The following RALA variants were observed in gnomAD, a reference collection of about 807,000 sequenced individuals.
The protein encoded by RALA is ras-related protein Ral-A.
Under a neutral mutation model 24.0 loss-of-function variants are expected in RALA, and 5 were observed. The ratio of observed to expected loss-of-function variants is 0.21; its 90% CI spans 0.11 to 0.44. RALA has a LOEUF of 0.44. RALA is among the 20% of genes least tolerant of loss of function. The pLI is 0.99. For synonymous variants in RALA, 77 were observed against 83.8 expected (o/e 0.92, Z 0.44); for missense variants, 95 against 241.2 (o/e 0.39, Z 4.01).
At chr7:39,701,962 T>C (rs746890044) in intron 4 of RALA, among the ~76,000 whole-genome samples, 23 of 152,210 alleles carry the variant, frequency 1.5e-4, no homozygotes, top group Non-Finnish European at 2.5e-4. Context: ...CCAAGGTTGC[T>C]CTTGATTTTA....
chr7:39,685,349 G>A (rs111397239), intron 1 of RALA, among the ~76,000 whole-genome samples: 4,379 of 152,298 alleles, frequency 0.029, 224 homozygotes, highest in African/African-American at 0.099. Context: ...GCTGAGCTAG[G>A]AAAGATTGGC....
intron 1 of RALA, among the ~76,000 whole-genome samples, chr7:39,684,100 A>G (rs1478674476): frequency 2.0e-5 from 3 of 152,186 alleles, no homozygotes; most frequent in African/African-American, 7.2e-5. Flanking sequence ...CCTGCAGTGT[A>G]CTGTAATTTT....
chr7:39,696,547 G>A (rs1792925097), intron 3 of RALA, 138 bp from the exon 4 acceptor site: 6 of 652,330 alleles, frequency 9.2e-6, no homozygotes, highest in Non-Finnish European at 1.5e-5. Flanking sequence ...ATACTGTATC[G>A]ATATTGGTTC....
chr7:39,659,288 A>AT (rs1792145498), intron 1 of RALA, among the ~76,000 whole-genome samples: 1 of 152,192 alleles, frequency 6.6e-6, no homozygotes, highest in Non-Finnish European at 1.5e-5. Flanking sequence ...TGTCTCAAAA[A>AT]TAAAAAATAA....
At position 39,686,731 on chromosome 7, in the gene RALA, A is replaced by G; in HGVS notation, c.64A>G (p.Ser22Gly). The G allele has an allele frequency of 6.2e-7, 1 of 1,614,156 alleles. No individual in the cohort carries two copies. Among genetic ancestry groups the G allele is most frequent in the Non-Finnish European group, 8.5e-7 (1 of 1,179,992 alleles). ...LALHKVIMVG[S>G]GGVGKSALTL... ...TTTACACAAAGTCATCATGGTGGGC[A>G]GTGGTGGCGTGGGCAAGTCAGCTCT... The change falls in exon 2 of 5, where the codon AGT becomes GGT. Residue 22 changes from serine (S) to glycine (G), a missense_variant. Physicochemically the swap from Ser to Gly is moderately conservative, Grantham distance 56. Coordinates refer to ENST00000005257, the MANE Select transcript of RALA (RefSeq NM_005402.4).
intron 1 of RALA, among the ~76,000 whole-genome samples, chr7:39,649,421 G>A (rs1791982780): frequency 6.6e-6 from 1 of 152,202 alleles, no homozygotes; most frequent in Non-Finnish European, 1.5e-5. Flanking sequence ...AAGAGATGGT[G>A]CCAATAGGAG....
At chr7:39,680,982 A>G (rs1792586058) in intron 1 of RALA, among the ~76,000 whole-genome samples, 1 of 152,162 alleles carries the variant, frequency 6.6e-6, no homozygotes, top group Admixed American at 6.5e-5. Flanking sequence ...CGGCATCTAT[A>G]CCCCTATTCT....
chr7:39,631,287 C>T (rs574746376), intron 1 of RALA, among the ~76,000 whole-genome samples: 7 of 152,316 alleles, frequency 4.6e-5, no homozygotes, highest in Admixed American at 1.3e-4. Flanking sequence ...GGATTACAGG[C>T]GTGAGCCATG....
chr7:39,661,686 G>C (rs1333464907), intron 1 of RALA, among the ~76,000 whole-genome samples: 1 of 152,200 alleles, frequency 6.6e-6, no homozygotes, highest in African/African-American at 2.4e-5. Flanking sequence ...CTCCCTTCTG[G>C]CTGCTTTCAT....
chr7:39,671,906 G>T (rs148785131), intron 1 of RALA, among the ~76,000 whole-genome samples: 1 of 152,102 alleles, frequency 6.6e-6, no homozygotes, highest in Non-Finnish European at 1.5e-5. Flanking sequence ...GCTTGATGGC[G>T]TATTTAAAAT....
chr7:39,624,376 C>G (rs566797237), intron 1 of RALA: 5 of 151,186 alleles, frequency 3.3e-5, no homozygotes, highest in South Asian at 2.1e-4. Flanking sequence ...ACTCTCCGCA[C>G]TGAACTGAAT....
intron 1 of RALA, among the ~76,000 whole-genome samples, chr7:39,670,109 CT>C (rs751352856): frequency 1.2e-3 from 179 of 152,284 alleles, no homozygotes; most frequent in Non-Finnish European, 1.8e-3. Flanking sequence ...TTAAATTATA[CT>C]TTTAAAGATT....
chr7:39,690,599 T>G lies in RALA; in HGVS notation c.323+9T>G. On this transcript the variant is annotated intron_variant, in intron 3 of 4. Transcript: ENST00000005257. ...GCTACAGCTGACTTCAGGTATGTCCTAGAGTAATGTTGTTGCTTGTGACAT... is the reference window on the plus strand; with the variant it reads ...GCTACAGCTGACTTCAGGTATGTCCGAGAGTAATGTTGTTGCTTGTGACAT... 2 of 1,584,348 alleles carry G rather than the reference T, an allele frequency of 1.3e-6. No individual in the cohort carries two copies. The highest frequency in any genetic ancestry group is 1.7e-6 in the Non-Finnish European group (2 of 1,157,456).
Position 39,646,800 on chromosome 7 carries a change from T to A in RALA, c.-38+22975T>A, listed in dbSNP as rs186464496. Among the ~76,000 whole-genome samples the A allele has an allele frequency of 1.2e-3, 189 of 152,320 alleles. 1 individual carries two copies. The highest frequency in any genetic ancestry group is 1.6e-3 in the Non-Finnish European group (110 of 68,042). On this transcript the variant is annotated intron_variant, in intron 1 of 4. Transcript: ENST00000005257. ...CCTGCATGCTCTCAGTACAGAACTCTAGAGCCTCCCATGTATATATTTACT... is the reference window on the plus strand; with the variant it reads ...CCTGCATGCTCTCAGTACAGAACTCAAGAGCCTCCCATGTATATATTTACT...
chr7:39,686,529 A>G, intron 1 of RALA, 102 bp from the exon 2 acceptor site: 1 of 629,922 alleles, frequency 1.6e-6, no homozygotes, highest in Non-Finnish European at 2.7e-6. Flanking sequence ...ATCACTACAG[A>G]TTGAAAACTA....
At chr7:39,696,648 T>C (rs778547566) in intron 3 of RALA, 37 bp from the exon 4 acceptor site, 2 of 1,511,958 alleles carry the variant, frequency 1.3e-6, no homozygotes, top group East Asian at 2.3e-5. Flanking sequence ...GCTATCCTTA[T>C]AATGTTAATA....
intron 1 of RALA, among the ~76,000 whole-genome samples, chr7:39,644,204 T>G (rs535757949): frequency 2.6e-5 from 4 of 152,074 alleles, no homozygotes; most frequent in South Asian, 2.1e-4. Context: ...TTCCTATGTT[T>G]TTTTTTTTTT....
At position 39,667,309 on chromosome 7, in the gene RALA, A is replaced by C. The variant is rs542316905; in HGVS notation, c.-37-19322A>C. ...GGTAATGAAAGCCAGTAGACTAAAT[A>C]TATGTGTCTACCTCCTCTTATCCCC... On this transcript the variant is annotated intron_variant, in intron 1 of 4. Coordinates refer to ENST00000005257, the MANE Select transcript of RALA (RefSeq NM_005402.4). Among the ~76,000 whole-genome samples the C allele has an allele frequency of 2.0e-5, 3 of 152,378 alleles. No homozygotes were observed. In the East Asian group the frequency reaches 5.8e-4, roughly 29 times the overall value.
intron 2 of RALA, among the ~76,000 whole-genome samples, chr7:39,688,559 T>C (rs1242286086): frequency 6.6e-6 from 1 of 150,650 alleles, no homozygotes; most frequent in Non-Finnish European, 1.5e-5. Flanking sequence ...AAGCCAAAAG[T>C]AAGAATATTC....
Sources: gnomAD v4.1 joint callset for allele counts (sites outside exome capture counted in the v4.1 genomes callset) on GRCh38, gnomAD v4.1.1 for gene constraint, MANE v1.5 for transcripts, NCBI Gene and HGNC (gene_info 2026-07-23, HGNC 2026-07-21) for gene names.